The following KIF21A variants were observed in gnomAD, a reference collection of about 807,000 sequenced individuals.
The protein encoded by KIF21A is kinesin family member 21A, also known as kinesin-like protein KIF21A.
A neutral mutation model predicts 202.9 loss-of-function variants in KIF21A; 114 were observed. The observed-to-expected ratio is 0.56, with a 90% confidence interval of 0.48 to 0.66. The LOEUF is 0.66. Among genes scored for constraint, KIF21A ranks in the 30% least tolerant of loss-of-function variants. The pLI, the probability that KIF21A is intolerant of heterozygous loss-of-function variation, is 0.00. For synonymous variants in KIF21A, 667 were observed against 670.8 expected (o/e 0.99, Z 0.09); for missense variants, 1,677 against 1,994.9 (o/e 0.84, Z 3.04).
At chr12:39,373,181 T>C (rs1423653460) in intron 1 of KIF21A, among the ~76,000 whole-genome samples, 1 of 152,206 alleles carries the variant, frequency 6.6e-6, no homozygotes, top group Non-Finnish European at 1.5e-5. Context: ...TCTAAATCCC[T>C]CTGCTTTGCC....
intron 1 of KIF21A, among the ~76,000 whole-genome samples, chr12:39,415,047 G>A (rs1278781735): frequency 1.3e-5 from 2 of 150,826 alleles, no homozygotes; most frequent in Admixed American, 6.6e-5. Flanking sequence ...AGGTCACTGT[G>A]GACAAGCCTA....
At position 39,346,563 on chromosome 12, in the gene KIF21A, G is replaced by A. The variant is rs539842008; in HGVS notation, c.1674-59C>T. The stretch of plus-strand genomic sequence containing the variant: ...AAGCCAATGAAGGACAAACCAGACA[G>A]TAAAAAGCGAAAGTGATAAGAAGGT... On this transcript the variant is annotated intron_variant, in intron 11 of 37. Transcript: ENST00000361418. 4.9e-6 allele frequency: 6 copies of A among 1,219,716 alleles called. No individual in the cohort carries two copies. In the South Asian group the frequency reaches 1.2e-4, roughly 23 times the overall value. 75.6% of individuals were successfully genotyped at this position (1,219,716 alleles called of 1,614,324 possible).
chr12:39,382,513 T>G (rs761245236), intron 1 of KIF21A, among the ~76,000 whole-genome samples: 32 of 152,266 alleles, frequency 2.1e-4, no homozygotes, highest in Non-Finnish European at 3.5e-4. Context: ...GTGTCTTAAT[T>G]TCTCCGGTCA....
At chr12:39,316,425 G>A (rs571078950) in intron 29 of KIF21A, among the ~76,000 whole-genome samples, 3 of 152,236 alleles carry the variant, frequency 2.0e-5, no homozygotes, top group African/African-American at 4.8e-5. Flanking sequence ...AATAGATTGT[G>A]TTTTCACATA....
chr12:39,375,131 T>C (rs1005832409), intron 1 of KIF21A, among the ~76,000 whole-genome samples: 5 of 152,180 alleles, frequency 3.3e-5, no homozygotes, highest in Admixed American at 6.6e-5. Flanking sequence ...TTCTGTTCTT[T>C]GCCTTTGTAA....
rs578157099 is a variant in KIF21A at position 39,310,159 on chromosome 12, T to C, written c.4097-393A>G. ...TCACAACATTCTCAACACTAGTAAA[T>C]ATACACACATTTTTCCCCCCAAGGG... On this transcript the variant is annotated intron_variant, in intron 32 of 37. Coordinates refer to ENST00000361418, the MANE Select transcript of KIF21A (RefSeq NM_001173464.2). 1.6e-3 allele frequency among the ~76,000 whole-genome samples: 246 copies of C among 152,206 alleles called. 1 individual carries two copies. The highest frequency in any genetic ancestry group is 2.6e-3 in the Admixed American group (40 of 15,276).
Position 39,442,285 on chromosome 12 carries a change from C to A in KIF21A, c.44+642G>T, listed in dbSNP as rs948920486. ...GTAGACCTCTCCCCAGTGGATTTTA[C>A]CTTAAATTCCACTCCCATTCCAACA... On this transcript the variant is annotated intron_variant, in intron 1 of 37. Coordinates refer to ENST00000361418, the MANE Select transcript of KIF21A (RefSeq NM_001173464.2). This position sits in a 1 kb window ranked among gnomAD's most constrained non-coding sequence, Gnocchi z 5.0. Among the ~76,000 whole-genome samples the A allele has an allele frequency of 6.6e-6, 1 of 152,254 alleles. No homozygotes were observed. Among genetic ancestry groups the A allele is most frequent in the East Asian group, 1.9e-4 (1 of 5,178 alleles).
chr12:39,370,012 C>T (rs759370764), intron 2 of KIF21A, 27 bp downstream of exon 2: 4 of 1,601,170 alleles, frequency 2.5e-6, no homozygotes, highest in Non-Finnish European at 2.6e-6. Flanking sequence ...AAAGTTTCAA[C>T]TCCTATGAAA....
chr12:39,327,428 G>A (rs1427108182), intron 24 of KIF21A, among the ~76,000 whole-genome samples: 1 of 152,162 alleles, frequency 6.6e-6, no homozygotes, highest in Non-Finnish European at 1.5e-5. Context: ...TTGCTTCACA[G>A]AAAAGATAAC....
intron 1 of KIF21A, among the ~76,000 whole-genome samples, chr12:39,399,608 G>A (rs184197004): frequency 2.6e-3 from 391 of 152,244 alleles, no homozygotes; most frequent in Admixed American, 6.8e-3. Flanking sequence ...CTGTATGCAC[G>A]AGGTCTTAAT....
At chr12:39,335,117 C>T (rs1488689016) in intron 17 of KIF21A, among the ~76,000 whole-genome samples, 4 of 151,954 alleles carry the variant, frequency 2.6e-5, no homozygotes, top group Admixed American at 2.6e-4. Flanking sequence ...TTGAAAACAT[C>T]GTGTTAAATA....
At chr12:39,352,803 T>C (rs879685411) in intron 10 of KIF21A, among the ~76,000 whole-genome samples, 7 of 152,140 alleles carry the variant, frequency 4.6e-5, no homozygotes, top group Non-Finnish European at 1.0e-4. Flanking sequence ...GCAGTCCTAA[T>C]AATGACAGGA....
At chr12:39,320,411 G>A (rs1945082358) in intron 27 of KIF21A, among the ~76,000 whole-genome samples, 1 of 151,980 alleles carries the variant, frequency 6.6e-6, no homozygotes, top group African/African-American at 2.4e-5. Context: ...GAAACAATGA[G>A]ATTTAATGAA....
chr12:39,357,039 G>C, intron 9 of KIF21A, 144 bp from the exon 10 acceptor site: 2 of 651,034 alleles, frequency 3.1e-6, no homozygotes, highest in Non-Finnish European at 5.3e-6. Flanking sequence ...TACATGAGCA[G>C]ACCACAAGAT....
intron 1 of KIF21A, among the ~76,000 whole-genome samples, chr12:39,384,070 G>C (rs1427322878): frequency 2.0e-5 from 3 of 152,194 alleles, no homozygotes; most frequent in East Asian, 3.9e-4. Flanking sequence ...AGTAAGAACA[G>C]GGAAGAAAAG....
intron 10 of KIF21A, 24 bp from the exon 11 acceptor site, chr12:39,352,004 A>G (rs112818467): frequency 6.5e-6 from 10 of 1,527,124 alleles, no homozygotes; most frequent in Middle Eastern, 1.7e-4. Context: ...ATATATTTAA[A>G]TAGGGAGCAT....
At chr12:39,434,669 G>A (rs1189004221) in intron 1 of KIF21A, among the ~76,000 whole-genome samples, 1 of 152,134 alleles carries the variant, frequency 6.6e-6, no homozygotes, top group Non-Finnish European at 1.5e-5. Flanking sequence ...TCCAGCTTAT[G>A]TGATTCCAGT....
intron 34 of KIF21A, among the ~76,000 whole-genome samples, chr12:39,305,385 A>C (rs984940273): frequency 6.6e-6 from 1 of 151,466 alleles, no homozygotes; most frequent in Non-Finnish European, 1.5e-5. Context: ...AAAAAAAAAA[A>C]AAAACAGAGA....
chr12:39,387,197 C>G (rs1048834876), intron 1 of KIF21A, among the ~76,000 whole-genome samples: 1 of 151,116 alleles, frequency 6.6e-6, no homozygotes, highest in African/African-American at 2.5e-5. Context: ...CACACACACA[C>G]ACACACAAGC....
Sources: allele counts gnomAD v4.1 joint callset (sites outside exome capture counted in the v4.1 genomes callset), GRCh38; gene constraint gnomAD v4.1.1; non-coding constraint Gnocchi (gnomAD v3.1); transcripts MANE v1.5; gene names NCBI Gene and HGNC (gene_info 2026-07-23, HGNC 2026-07-21).